Variants in CDH13 observed in about 807,000 individuals in gnomAD.
CDH13 encodes cadherin-13.
CDH13 carries 24 observed loss-of-function variants against 63.8 expected under a neutral mutation model. The observed-to-expected ratio is 0.38, with a 90% CI of 0.27 to 0.53. The LOEUF is 0.53. Among genes scored for constraint, CDH13 ranks in the 20% least tolerant of loss-of-function variants. The probability of loss-of-function intolerance (pLI) is 0.85; values close to 1 mark genes in which losing one functional copy is unlikely to be tolerated. For synonymous variants in CDH13, 503 were observed against 355.3 expected (o/e 1.42, Z -4.67); for missense variants, 1,049 against 903.1 (o/e 1.16, Z -2.07).
chr16:82,733,840 G>T (rs1288105881), intron 1 of CDH13, among the ~76,000 whole-genome samples: 1 of 152,206 alleles, frequency 6.6e-6, no homozygotes, highest in Non-Finnish European at 1.5e-5. Context: ...GCCTGAATAT[G>T]TATGCACTTA....
At chr16:83,678,073 A>C in intron 9 of CDH13, 135 bp from the exon 10 acceptor site, 1 of 721,070 alleles carries the variant, frequency 1.4e-6, no homozygotes, top group Non-Finnish European at 2.2e-6. Context: ...CCCCAGTTAC[A>C]CAGGCTTAGC....
intron 6 of CDH13, among the ~76,000 whole-genome samples, chr16:83,475,117 T>C (rs2073567780): frequency 1.3e-5 from 2 of 152,336 alleles, no homozygotes; most frequent in South Asian, 4.1e-4. Context: ...GGGTCCCTTG[T>C]TCAACAACAA....
chr16:83,213,709 A>G (rs1597528053), intron 4 of CDH13, among the ~76,000 whole-genome samples: 1 of 152,176 alleles, frequency 6.6e-6, no homozygotes, highest in Non-Finnish European at 1.5e-5. Flanking sequence ...AACAAGAGGA[A>G]GGAGTTTTAA....
At chr16:83,284,276 A>G (rs972682786) in intron 5 of CDH13, among the ~76,000 whole-genome samples, 1 of 152,210 alleles carries the variant, frequency 6.6e-6, no homozygotes, top group Non-Finnish European at 1.5e-5. Flanking sequence ...CTGAGTAGTC[A>G]AAGCAGAGAG....
At chr16:82,891,808 A>C (rs770514171) in intron 2 of CDH13, among the ~76,000 whole-genome samples, 1 of 152,222 alleles carries the variant, frequency 6.6e-6, no homozygotes, top group South Asian at 2.1e-4. Flanking sequence ...TTGAAATACC[A>C]GGCCCTTATC....
At chr16:82,938,085 C>T (rs1384492889) in intron 2 of CDH13, among the ~76,000 whole-genome samples, 1 of 151,994 alleles carries the variant, frequency 6.6e-6, no homozygotes, top group Non-Finnish European at 1.5e-5. Flanking sequence ...AACAACACGC[C>T]AAAAAACGGA....
intron 6 of CDH13, among the ~76,000 whole-genome samples, chr16:83,427,905 A>G (rs188210740): frequency 6.6e-6 from 1 of 152,336 alleles, no homozygotes; most frequent in East Asian, 1.9e-4. Flanking sequence ...GACCCAGGCA[A>G]AGGCAGAACT....
At chr16:83,621,986 C>G (rs373382350) in intron 8 of CDH13, among the ~76,000 whole-genome samples, 100 of 152,234 alleles carry the variant, frequency 6.6e-4, no homozygotes, top group African/African-American at 2.4e-3. Context: ...AACCTTGTAT[C>G]TTTATTTTGA....
rs191485586 is a variant in CDH13 at position 83,100,112 on chromosome 16, C to T, written c.367-25273C>T. ...AGATTAACTCATCACTCATTCAATT[C>T]GTGTGCTGTCTGAGGACACACCAGG... is the stretch of plus-strand genomic sequence containing the variant. On this transcript the variant is annotated intron_variant, in intron 3 of 13. Transcript: ENST00000567109. Among the ~76,000 whole-genome samples, 38 of 152,248 alleles carry T rather than the reference C, an allele frequency of 2.5e-4. 1 individual carries two copies. The highest frequency in any genetic ancestry group is 2.0e-3 in the Admixed American group (31 of 15,294).
At chr16:83,375,838 A>T (rs971215070) in intron 6 of CDH13, among the ~76,000 whole-genome samples, 4 of 152,074 alleles carry the variant, frequency 2.6e-5, no homozygotes, top group African/African-American at 7.2e-5. Flanking sequence ...GGTAGAGGAG[A>T]TGTGACTTGA....
intron 6 of CDH13, among the ~76,000 whole-genome samples, chr16:83,354,827 G>A (rs1320686607): frequency 2.6e-5 from 4 of 152,232 alleles, no homozygotes; most frequent in South Asian, 2.1e-4. Flanking sequence ...TGGGCCAAAT[G>A]TGTCTCTCTG....
chr16:82,683,529 A>G (rs1914765023), intron 1 of CDH13, among the ~76,000 whole-genome samples: 1 of 152,230 alleles, frequency 6.6e-6, no homozygotes, highest in African/African-American at 2.4e-5. Context: ...TCATGCCAGA[A>G]ACAGCTAGAC....
intron 2 of CDH13, among the ~76,000 whole-genome samples, chr16:82,889,105 TC>T (rs1383984634): frequency 6.6e-6 from 1 of 152,226 alleles, no homozygotes; most frequent in African/African-American, 2.4e-5. Flanking sequence ...AAGTGGTTAT[TC>T]CCCTTAACCT....
intron 6 of CDH13, among the ~76,000 whole-genome samples, chr16:83,433,088 C>T (rs1308488328): frequency 2.0e-5 from 3 of 152,142 alleles, no homozygotes; most frequent in Non-Finnish European, 4.4e-5. Flanking sequence ...ATGAGAGGCA[C>T]AGAGAAGCCA....
intron 5 of CDH13, among the ~76,000 whole-genome samples, chr16:83,260,829 G>T (rs1282670287): frequency 1.3e-5 from 2 of 152,054 alleles, no homozygotes; most frequent in African/African-American, 4.8e-5. Context: ...AAAGCCACTT[G>T]GATGAAGTTA....
chr16:83,232,763 C>T (rs2040040558), intron 5 of CDH13, among the ~76,000 whole-genome samples: 1 of 135,860 alleles, frequency 7.4e-6, no homozygotes, highest in Non-Finnish European at 1.6e-5. Context: ...AAATGACCCA[C>T]TCTCGGGTAT....
At chr16:83,471,594 C>T (rs1408386184) in intron 6 of CDH13, among the ~76,000 whole-genome samples, 2 of 152,136 alleles carry the variant, frequency 1.3e-5, no homozygotes, top group Non-Finnish European at 2.9e-5. Context: ...CACTTTTATG[C>T]CTGCCTTTGT....
intron 11 of CDH13, among the ~76,000 whole-genome samples, chr16:83,766,043 C>T (rs1914359242): frequency 6.6e-6 from 1 of 152,166 alleles, no homozygotes; most frequent in Middle Eastern, 3.2e-3. Flanking sequence ...TAAATTGTGG[C>T]TCCTCTCAGA....
intron 6 of CDH13, among the ~76,000 whole-genome samples, chr16:83,429,073 AT>A (rs1287250847): frequency 6.6e-6 from 1 of 152,240 alleles, no homozygotes; most frequent in Non-Finnish European, 1.5e-5. Flanking sequence ...GGAAAGCCTT[AT>A]CCTTTGAAAG....
Sources: allele counts gnomAD v4.1 joint callset (sites outside exome capture counted in the v4.1 genomes callset), GRCh38; gene constraint gnomAD v4.1.1; transcripts MANE v1.5; gene names NCBI Gene and HGNC (gene_info 2026-07-23, HGNC 2026-07-21).